The following ARPC2 variants were observed in gnomAD, a reference collection of about 807,000 sequenced individuals.
The protein encoded by ARPC2 is actin-related protein 2/3 complex subunit 2.
A neutral mutation model predicts 38.6 loss-of-function variants in ARPC2; 4 were observed. The ratio of observed to expected loss-of-function variants is 0.10; its 90% CI spans 0.05 to 0.24. The LOEUF (loss-of-function observed/expected upper bound fraction) is 0.24, where lower values mean the gene tolerates loss of function less well. Among genes scored for constraint, ARPC2 ranks in the 10% least tolerant of loss-of-function variants. The pLI, the probability that ARPC2 is intolerant of heterozygous loss-of-function variation, is 1.00. For synonymous variants in ARPC2, 125 were observed against 140.8 expected, an observed-to-expected ratio of 0.89 and a Z score of 0.79; for missense variants, 229 against 387.3, an observed-to-expected ratio of 0.59 and a Z score of 3.43.
chr2:218,239,610 C>A, intron 7 of ARPC2, 126 bp downstream of exon 7: 1 of 603,662 alleles, frequency 1.7e-6, no homozygotes, highest in Non-Finnish European at 2.8e-6. Flanking sequence ...TTTTTTTTTT[C>A]GAGACGGAGT....
At chr2:218,239,521 G>A (rs775868649) in intron 7 of ARPC2, 37 bp downstream of exon 7, 6 of 1,514,396 alleles carry the variant, frequency 4.0e-6, no homozygotes, top group South Asian at 3.4e-5. Flanking sequence ...CCCATGCATG[G>A]CGACTTATAC....
intron 7 of ARPC2, 132 bp downstream of exon 7, chr2:218,239,616 G>A (rs1237744346): frequency 1.2e-5 from 8 of 673,856 alleles, no homozygotes; most frequent in East Asian, 5.5e-5. Flanking sequence ...TTTTCGAGAC[G>A]GAGTTTCTCT....
At chr2:218,245,686 T>A in intron 8 of ARPC2, 140 bp downstream of exon 8, 1 of 1,141,528 alleles carries the variant, frequency 8.8e-7, no homozygotes, top group Non-Finnish European at 1.2e-6. Context: ...GCCATTGCAG[T>A]GACTAAAGGA....
chr2:218,225,873 G>A (rs775889509), intron 2 of ARPC2, 47 bp from the exon 3 acceptor site: 75 of 1,598,274 alleles, frequency 4.7e-5, no homozygotes, highest in Admixed American at 3.2e-4. Context: ...TTGAAGGTAA[G>A]CAGCAATACA....
chr2:218,253,069 G>T, intron 10 of ARPC2: 1 of 444,084 alleles, frequency 2.3e-6, no homozygotes, highest in Non-Finnish European at 4.5e-6. Flanking sequence ...GTGGGCAGAA[G>T]CCAGGAACCC....
At chr2:218,238,439 C>T (rs1689825560) in intron 5 of ARPC2, among the ~76,000 whole-genome samples, 1 of 152,038 alleles carries the variant, frequency 6.6e-6, no homozygotes, top group Admixed American at 6.5e-5. Context: ...GATTTTATTT[C>T]ACCTCATTTT....
intron 8 of ARPC2, among the ~76,000 whole-genome samples, chr2:218,246,984 G>A (rs1403004236): frequency 6.6e-6 from 1 of 151,980 alleles, no homozygotes; most frequent in African/African-American, 2.4e-5. Flanking sequence ...AGATAACTAG[G>A]CATGGTGGTG....
intron 4 of ARPC2, chr2:218,232,899 C>T (rs752026192): frequency 1.3e-5 from 2 of 152,034 alleles, no homozygotes; most frequent in Non-Finnish European, 2.9e-5. Context: ...TTAACAGCCC[C>T]TCTTGTGAAT....
At chr2:218,237,890 A>G (rs1689810980) in intron 5 of ARPC2, among the ~76,000 whole-genome samples, 1 of 152,122 alleles carries the variant, frequency 6.6e-6, no homozygotes, top group Non-Finnish European at 1.5e-5. Context: ...TCACAAAATG[A>G]CAAGACTAGG....
chr2:218,249,712 C>A, intron 9 of ARPC2, 109 bp from the exon 10 acceptor site: 1 of 1,089,404 alleles, frequency 9.2e-7, no homozygotes, highest in Non-Finnish European at 1.3e-6. Context: ...CTGGGTCAAT[C>A]CCAGGGTGTA....
At chr2:218,249,561 T>G in intron 9 of ARPC2, 97 bp downstream of exon 9, 1 of 970,032 alleles carries the variant, frequency 1.0e-6, no homozygotes, top group Non-Finnish European at 1.5e-6. Context: ...ACGCTGTGGA[T>G]ATTGACTCTT....
At chr2:218,229,095 A>G (rs1689572744) in intron 4 of ARPC2, 1 of 340,414 alleles carries the variant, frequency 2.9e-6, no homozygotes, top group Non-Finnish European at 5.5e-6. Flanking sequence ...AGCAAAGAAT[A>G]CTTTTCCTTG....
At position 218,253,877 on chromosome 2, in the gene ARPC2, C is replaced by G. The variant is rs770805987; in HGVS notation, c.879-14C>G. The G allele has an allele frequency of 1.2e-6, 2 of 1,613,826 alleles. No homozygotes were observed. Among genetic ancestry groups the G allele is most frequent in the Non-Finnish European group, 1.7e-6 (2 of 1,179,948 alleles). The stretch of plus-strand genomic sequence containing the variant: ...GCCAGAAACTGACCTTCGCACTTAT[C>G]TCTCCTTTTGAAGGGGGAAGACGTT... On this transcript the variant is annotated splice_polypyrimidine_tract_variant and intron_variant, in intron 10 of 10. Coordinates refer to ENST00000315717, the MANE Select transcript of ARPC2 (RefSeq NM_152862.3).
At chr2:218,244,639 T>G (rs1689989037) in intron 7 of ARPC2, among the ~76,000 whole-genome samples, 1 of 152,242 alleles carries the variant, frequency 6.6e-6, no homozygotes, top group Non-Finnish European at 1.5e-5. Flanking sequence ...AGTACCTGCC[T>G]GGGTTTGTTG....
intron 10 of ARPC2, among the ~76,000 whole-genome samples, chr2:218,252,471 G>C (rs1322199646): frequency 3.3e-5 from 5 of 151,762 alleles, no homozygotes; most frequent in African/African-American, 1.2e-4. Context: ...CCCTTTCCCT[G>C]CTTGCTCTAC....
chr2:218,219,003 T>C (rs1396599067), intron 2 of ARPC2, among the ~76,000 whole-genome samples: 1 of 152,208 alleles, frequency 6.6e-6, no homozygotes, highest in Non-Finnish European at 1.5e-5. Context: ...TGCTGTATAC[T>C]TTTTTCTGAG....
At position 218,250,680 on chromosome 2, in the gene ARPC2, A is replaced by T. The variant is rs937530277; in HGVS notation, c.878+759A>T. On this transcript the variant is annotated intron_variant, in intron 10 of 10. Coordinates refer to ENST00000315717, the MANE Select transcript of ARPC2 (RefSeq NM_152862.3). ...CTTAGTCTCAAAAAAAAAAAAAAAA[A>T]TTTGAGGAGAGCCCTAAATAGGGGT... Among the ~76,000 whole-genome samples, 163 of 150,860 alleles carry T rather than the reference A, an allele frequency of 1.1e-3. 1 individual carries two copies. The highest frequency in any genetic ancestry group is 3.6e-3 in the African/African-American group (148 of 41,300).
chr2:218,239,885 C>T (rs539520580), intron 7 of ARPC2, among the ~76,000 whole-genome samples: 4 of 152,004 alleles, frequency 2.6e-5, no homozygotes, highest in African/African-American at 9.7e-5. Context: ...GCCACCATGC[C>T]CAGCCTTGAC....
chr2:218,243,152 T>C (rs1331206862), intron 7 of ARPC2, among the ~76,000 whole-genome samples: 5 of 152,244 alleles, frequency 3.3e-5, no homozygotes, highest in African/African-American at 4.8e-5. Flanking sequence ...GAAAGAATGA[T>C]CTTTTTTTCC....
Sources: gnomAD v4.1 joint callset for allele counts (sites outside exome capture counted in the v4.1 genomes callset) on GRCh38, gnomAD v4.1.1 for gene constraint, MANE v1.5 for transcripts, NCBI Gene and HGNC (gene_info 2026-07-23, HGNC 2026-07-21) for gene names.